Variants in STARD13 observed in about 807,000 individuals in gnomAD.
STARD13 encodes the protein stAR-related lipid transfer protein 13.
A neutral mutation model predicts 106.4 loss-of-function variants in STARD13; 62 were observed. That is an observed-to-expected ratio of 0.58 (90% confidence interval 0.48 to 0.72). The LOEUF (loss-of-function observed/expected upper bound fraction) is 0.72. Among genes scored for constraint, STARD13 ranks in the 30% least tolerant of loss-of-function variants. STARD13 has a pLI of 0.00. For synonymous variants in STARD13, 565 were observed against 553.0 expected, an observed-to-expected ratio of 1.02 and a Z score of -0.31; for missense variants, 1,387 against 1,424.0, an observed-to-expected ratio of 0.97 and a Z score of 0.42.
the STARD13 span, among the ~76,000 whole-genome samples, chr13:33,359,005 A>T: frequency 1.3e-5 from 2 of 152,164 alleles, no homozygotes; most frequent in East Asian, 3.8e-4. Flanking sequence ...TTGTAAAGGC[A>T]CCAATCAGCG....
intron 1 of STARD13, among the ~76,000 whole-genome samples, chr13:33,317,307 A>T (rs1474288954): frequency 6.6e-6 from 1 of 152,174 alleles, no homozygotes; most frequent in African/African-American, 2.4e-5. Flanking sequence ...CTCATTTAAT[A>T]GCATCTTCAT....
At chr13:33,178,355 A>G (rs1055290437) in intron 1 of STARD13, among the ~76,000 whole-genome samples, 2 of 152,234 alleles carry the variant, frequency 1.3e-5, no homozygotes, top group African/African-American at 4.8e-5. Context: ...GTTAAAAATA[A>G]TAAATCCAGT....
chr13:33,648,157 A>G, the STARD13 span, among the ~76,000 whole-genome samples: 1 of 152,254 alleles, frequency 6.6e-6, no homozygotes, highest in African/African-American at 2.4e-5. Flanking sequence ...AAAAAGGCAT[A>G]TTATATTATC....
At chr13:33,610,504 C>G in the STARD13 span, among the ~76,000 whole-genome samples, 1 of 152,246 alleles carries the variant, frequency 6.6e-6, no homozygotes, top group Non-Finnish European at 1.5e-5. Context: ...GTTCTCCCAG[C>G]CCCGCGCTGC....
At chr13:33,142,436 T>C (rs1262238078) in intron 3 of STARD13, 63 bp from the exon 4 acceptor site, 10 of 1,417,308 alleles carry the variant, frequency 7.1e-6, no homozygotes, top group Admixed American at 3.4e-5. Flanking sequence ...TCCAGTTTGA[T>C]AATCCTCCTT....
At chr13:33,491,607 A>G in the STARD13 span, among the ~76,000 whole-genome samples, 1 of 152,234 alleles carries the variant, frequency 6.6e-6, no homozygotes, top group Non-Finnish European at 1.5e-5. Flanking sequence ...AATACAATCA[A>G]GGATCTCTGT....
the STARD13 span, among the ~76,000 whole-genome samples, chr13:33,507,712 C>T: frequency 6.6e-6 from 1 of 152,124 alleles, no homozygotes; most frequent in Non-Finnish European, 1.5e-5. Context: ...GCATTCCTTA[C>T]TAATAATATA....
intron 1 of STARD13, among the ~76,000 whole-genome samples, chr13:33,298,538 G>T (rs4943090): frequency 5.3e-5 from 8 of 152,048 alleles, no homozygotes; most frequent in South Asian, 4.2e-4. Flanking sequence ...CCACCTTTAC[G>T]GCTTACTATG....
intron 1 of STARD13, among the ~76,000 whole-genome samples, chr13:33,175,176 G>A (rs1279160572): frequency 6.6e-6 from 1 of 152,198 alleles, no homozygotes; most frequent in Non-Finnish European, 1.5e-5. Flanking sequence ...TTTCCATGAA[G>A]CAGAGTAGTT....
the STARD13 span, among the ~76,000 whole-genome samples, chr13:33,589,999 T>C: frequency 1.3e-5 from 2 of 152,198 alleles, no homozygotes; most frequent in South Asian, 2.1e-4. Context: ...TGGGTGCATA[T>C]ATATTTAGGA....
the STARD13 span, among the ~76,000 whole-genome samples, chr13:33,457,575 A>G: frequency 6.6e-6 from 1 of 152,202 alleles, no homozygotes. Flanking sequence ...GGGCTGCTAT[A>G]CTAAACTACC....
At chr13:33,647,007 C>T in the STARD13 span, among the ~76,000 whole-genome samples, 135 of 152,148 alleles carry the variant, frequency 8.9e-4, no homozygotes, top group African/African-American at 3.3e-3. Flanking sequence ...TATGCAGCCC[C>T]CCCTAAAATA....
chr13:33,433,793 T>C, the STARD13 span, among the ~76,000 whole-genome samples: 1 of 151,010 alleles, frequency 6.6e-6, no homozygotes, highest in Non-Finnish European at 1.5e-5. Context: ...ACAGCAGAAA[T>C]ATCATAGAAA....
chr13:33,267,984 G>T (rs552152357), intron 1 of STARD13, among the ~76,000 whole-genome samples: 24 of 152,236 alleles, frequency 1.6e-4, no homozygotes, highest in African/African-American at 5.3e-4. Flanking sequence ...TACTGTTAAG[G>T]CAAATGTCTG....
At chr13:33,524,303 C>A in the STARD13 span, 16 of 1,273,176 alleles carry the variant, frequency 1.3e-5, no homozygotes, top group Non-Finnish European at 1.6e-5. Context: ...TGGATGTTTG[C>A]AGTTTTAGTT....
the STARD13 span, among the ~76,000 whole-genome samples, chr13:33,605,837 A>G: frequency 6.6e-6 from 1 of 152,204 alleles, no homozygotes; most frequent in African/African-American, 2.4e-5. Flanking sequence ...TGAAAGAAAC[A>G]AATTTGGGAT....
intron 1 of STARD13, among the ~76,000 whole-genome samples, chr13:33,196,385 A>G (rs1056384756): frequency 1.3e-5 from 2 of 152,238 alleles, no homozygotes; most frequent in African/African-American, 2.4e-5. Flanking sequence ...GTCTCAAAAA[A>G]CAATAATAAT....
At chr13:33,492,689 C>A in the STARD13 span, among the ~76,000 whole-genome samples, 1 of 152,170 alleles carries the variant, frequency 6.6e-6, no homozygotes, top group Admixed American at 6.5e-5. Flanking sequence ...GAATAATCCA[C>A]CCCTTGTTTA....
chr13:33,465,657 C>T, the STARD13 span, among the ~76,000 whole-genome samples: 5 of 152,282 alleles, frequency 3.3e-5, no homozygotes, highest in East Asian at 5.8e-4. Context: ...ATATCACTCT[C>T]CTCATTTGCT....
Sources: allele counts gnomAD v4.1 joint callset (sites outside exome capture counted in the v4.1 genomes callset), GRCh38; gene constraint gnomAD v4.1.1; transcripts MANE v1.5; gene names NCBI Gene and HGNC (gene_info 2026-07-23, HGNC 2026-07-21).